DIP2B: variants seen among roughly 807,000 people sequenced by gnomAD.
DIP2B encodes the protein disco-interacting protein 2 homolog B.
DIP2B carries 76 observed loss-of-function variants against 198.0 expected under a neutral mutation model. The ratio of observed to expected loss-of-function variants is 0.38; its 90% CI spans 0.32 to 0.46. The LOEUF (loss-of-function observed/expected upper bound fraction) is 0.46, where lower values mean the gene tolerates loss of function less well. DIP2B is among the 20% of genes least tolerant of loss of function. The probability of loss-of-function intolerance (pLI) is 0.99; values close to 1 mark genes in which losing one functional copy is unlikely to be tolerated. For missense variants in DIP2B, 1,559 were observed against 1,978.4 expected (o/e 0.79, Z 4.02); for synonymous variants, 701 against 739.1 (o/e 0.95, Z 0.84).
chr12:50,533,665 G>C (rs1958238293), intron 1 of DIP2B, among the ~76,000 whole-genome samples: 1 of 150,168 alleles, frequency 6.7e-6, no homozygotes, highest in East Asian at 1.9e-4. Context: ...CTGGAGTGCC[G>C]TGGTGTGATC....
intron 35 of DIP2B, among the ~76,000 whole-genome samples, 187 bp downstream of exon 35, chr12:50,737,297 T>G (rs1050866619): frequency 1.3e-5 from 2 of 152,114 alleles, no homozygotes; most frequent in African/African-American, 2.4e-5. Flanking sequence ...CAGGGAAGAT[T>G]TAGGCACCCA....
At position 50,697,184 on chromosome 12, in the gene DIP2B, C is replaced by G; in HGVS notation, c.2048+9C>G. Reference sequence around the variant, plus strand: ...ACTGTAGCAATCCGCAGGTACTGTTCAGGATGTCAGATGCTCTTGATGTAT... The same window carrying G: ...ACTGTAGCAATCCGCAGGTACTGTTGAGGATGTCAGATGCTCTTGATGTAT... On this transcript the variant is annotated intron_variant, in intron 17 of 37. Coordinates refer to ENST00000301180, the MANE Select transcript of DIP2B (RefSeq NM_173602.3). 1.9e-6 allele frequency: 3 copies of G among 1,611,808 alleles called. No homozygotes were observed. The highest frequency in any genetic ancestry group is 2.2e-5 in the South Asian group (2 of 90,896).
Position 50,699,111 on chromosome 12 carries a change from A to G in DIP2B, c.2234A>G (p.Lys745Arg). ...CCAGATGGACCTCCCCAGCTCTGCA[A>G]AACAGATGAAATTGGAGAAATCTGT... ...VKPDGPPQLCKTDEIGEICVS... is the reference protein window; with the variant it reads ...VKPDGPPQLCRTDEIGEICVS... Residue 745 changes from lysine (K) to arginine (R), a missense_variant, in exon 19 of 38, where the codon AAA becomes AGA. By Grantham distance (26) the Lys-to-Arg change is conservative (BLOSUM62 2). Transcript: ENST00000301180. 1 of 1,614,208 alleles carries G rather than the reference A, an allele frequency of 6.2e-7. No homozygotes were observed. Among genetic ancestry groups the G allele is most frequent in the East Asian group, 2.2e-5 (1 of 44,884 alleles).
chr12:50,608,637 A>G (rs947316595), intron 1 of DIP2B, among the ~76,000 whole-genome samples: 5 of 151,702 alleles, frequency 3.3e-5, no homozygotes, highest in African/African-American at 7.3e-5. Context: ...AAAAAAAAAA[A>G]AAAGAAAGAA....
At chr12:50,597,648 G>T (rs919444942) in intron 1 of DIP2B, among the ~76,000 whole-genome samples, 1 of 152,172 alleles carries the variant, frequency 6.6e-6, no homozygotes, top group Non-Finnish European at 1.5e-5. Context: ...GGGAGTCAGT[G>T]AGGGTGGCTC....
intron 3 of DIP2B, among the ~76,000 whole-genome samples, chr12:50,646,920 AG>A (rs1938360693): frequency 6.6e-6 from 1 of 152,128 alleles, no homozygotes; most frequent in Admixed American, 6.5e-5. Flanking sequence ...ATGCTGTAGA[AG>A]GTAAGTTGAA....
chr12:50,541,021 G>C (rs1473956032), intron 1 of DIP2B, among the ~76,000 whole-genome samples: 1 of 152,082 alleles, frequency 6.6e-6, no homozygotes, highest in East Asian at 1.9e-4. Context: ...AATGCACTTA[G>C]TTTTATATTC....
chr12:50,705,128 G>A (rs541544697), intron 20 of DIP2B, among the ~76,000 whole-genome samples: 1 of 152,272 alleles, frequency 6.6e-6, no homozygotes, highest in African/African-American at 2.4e-5. Context: ...ATCATGGGAA[G>A]TAGGATTTTA....
rs773582186 is a variant in DIP2B, at chr12:50,685,905, T to C, written c.1390T>C (p.Cys464Arg). ...GIALALTSEVCLKGLPKTQNG... is the reference protein window; with the variant it reads ...GIALALTSEVRLKGLPKTQNG... ...TGCCTTAGCTCTTACCAGTGAAGTT[T>C]GTCTAAAAGGACTGCCAAAAACCCA... is the stretch of plus-strand genomic sequence containing the variant. The change falls in exon 11 of 38, where the codon TGT becomes CGT. Residue 464 changes from cysteine (C) to arginine (R), a missense_variant. By Grantham distance (180) the Cys-to-Arg change is radical. Coordinates refer to ENST00000301180, the MANE Select transcript of DIP2B (RefSeq NM_173602.3). 6 of 1,614,070 alleles carry C rather than the reference T, an allele frequency of 3.7e-6. 1 individual carries two copies. In the Middle Eastern group the frequency reaches 8.3e-4, roughly 222 times the overall value.
intron 37 of DIP2B, among the ~76,000 whole-genome samples, chr12:50,742,487 G>A (rs1034999938): frequency 7.4e-5 from 11 of 149,228 alleles, no homozygotes; most frequent in African/African-American, 2.5e-4. Flanking sequence ...GAATCCGTTC[G>A]GTTTGTTTCT....
intron 1 of DIP2B, among the ~76,000 whole-genome samples, chr12:50,522,132 C>T (rs1284026581): frequency 6.6e-6 from 1 of 151,880 alleles, no homozygotes; most frequent in African/African-American, 2.4e-5. Flanking sequence ...CGCTGAGTAG[C>T]TGGGATTACA....
intron 28 of DIP2B, 123 bp from the exon 29 acceptor site, chr12:50,727,580 T>C (rs1442445450): frequency 1.2e-5 from 10 of 807,856 alleles, no homozygotes; most frequent in Non-Finnish European, 2.1e-5. Context: ...TGGTTAAATA[T>C]GAGAGGCCTA....
chr12:50,680,735 A>C lies in DIP2B; in HGVS notation c.1178A>C (p.Asn393Thr). 1.2e-6 allele frequency: 2 copies of C among 1,614,072 alleles called. No individual in the cohort carries two copies. The highest frequency in any genetic ancestry group is 1.7e-6 in the Non-Finnish European group (2 of 1,179,972). ...CTTCTTAATAAACTGGGGACCAAAA[A>C]TGAACCTGTGTTAAAACCTGGAGAC... ...YTLLNKLGTK[N>T]EPVLKPGDRV... Residue 393 changes from asparagine (N) to threonine (T), a missense_variant, in exon 9 of 38, where the codon AAT (asparagine) becomes ACT (threonine). Transcript: ENST00000301180.
intron 19 of DIP2B, among the ~76,000 whole-genome samples, chr12:50,703,066 A>G (rs1939450424): frequency 6.6e-6 from 1 of 151,954 alleles, no homozygotes; most frequent in Non-Finnish European, 1.5e-5. Context: ...CTACAAACGA[A>G]TTAAAAATTA....
chr12:50,555,193 T>G (rs1396718638), intron 1 of DIP2B, among the ~76,000 whole-genome samples: 1 of 152,162 alleles, frequency 6.6e-6, no homozygotes, highest in Non-Finnish European at 1.5e-5. Context: ...TTCTGTAGGG[T>G]GAGGAAAAGA....
chr12:50,666,597 C>T (rs1193540088), intron 4 of DIP2B, among the ~76,000 whole-genome samples: 3 of 152,110 alleles, frequency 2.0e-5, no homozygotes, highest in African/African-American at 7.2e-5. Context: ...AATCAGCAAG[C>T]CAGGGACCTT....
chr12:50,647,175 G>A (rs940617797), intron 3 of DIP2B, among the ~76,000 whole-genome samples: 7 of 151,958 alleles, frequency 4.6e-5, no homozygotes, highest in Admixed American at 2.6e-4. Flanking sequence ...TCCTTAGCTC[G>A]AGTAGCTGGG....
chr12:50,518,580 T>A (rs946292878), intron 1 of DIP2B, among the ~76,000 whole-genome samples: 2 of 152,204 alleles, frequency 1.3e-5, no homozygotes, highest in African/African-American at 4.8e-5. Context: ...TTCTGTACAG[T>A]GTGCTGGGAT....
intron 37 of DIP2B, among the ~76,000 whole-genome samples, chr12:50,744,314 A>G (rs1940309284): frequency 6.6e-6 from 1 of 152,032 alleles, no homozygotes; most frequent in Non-Finnish European, 1.5e-5. Context: ...ACAACTTTAA[A>G]TTCCACTTTC....
Sources: gnomAD v4.1 joint callset for allele counts (sites outside exome capture counted in the v4.1 genomes callset) on GRCh38, gnomAD v4.1.1 for gene constraint, MANE v1.5 for transcripts, NCBI Gene and HGNC (gene_info 2026-07-23, HGNC 2026-07-21) for gene names.